The following GRM4 variants were observed in gnomAD, a reference collection of about 807,000 sequenced individuals.
GRM4 encodes the protein glutamate metabotropic receptor 4.
Under a neutral mutation model 81.7 loss-of-function variants are expected in GRM4, and 28 were observed. That is an observed-to-expected ratio of 0.34 (90% CI 0.25 to 0.47). GRM4 has a LOEUF of 0.47. Among genes scored for constraint, GRM4 ranks in the 20% least tolerant of loss-of-function variants. The pLI, the probability that GRM4 is intolerant of heterozygous loss-of-function variation, is 1.00. For missense variants in GRM4, 948 were observed against 1,290.0 expected (o/e 0.73, Z 4.06); for synonymous variants, 488 against 528.8 (o/e 0.92, Z 1.06).
intron 2 of GRM4, among the ~76,000 whole-genome samples, chr6:34,104,531 A>G (rs1769021108): frequency 6.6e-6 from 1 of 152,236 alleles, no homozygotes; most frequent in Admixed American, 6.5e-5. Context: ...ACATGGAAAC[A>G]GGATGACACA....
chr6:34,050,950 G>A (rs1161327167), intron 6 of GRM4, among the ~76,000 whole-genome samples: 1 of 152,252 alleles, frequency 6.6e-6, no homozygotes, highest in Non-Finnish European at 1.5e-5. Context: ...CTCAGTTGAT[G>A]AGTGGGAAGC....
At position 34,035,821 on chromosome 6, in the gene GRM4, G is replaced by A. The variant is rs755141575; in HGVS notation, c.2289C>T (p.Leu763=). The A allele has an allele frequency of 1.9e-5, 30 of 1,613,722 alleles. No homozygotes were observed. The highest frequency in any genetic ancestry group is 1.8e-4 in the East Asian group (8 of 44,854). Residue 763 remains leucine, a synonymous_variant, in exon 9 of 11, where the codon CTC becomes CTT. Coordinates refer to ENST00000538487, the MANE Select transcript of GRM4 (RefSeq NM_000841.4). This position sits in a 1 kb window ranked among gnomAD's most constrained non-coding sequence, Gnocchi z 6.6. The part of the protein sequence containing the change: ...LICLLGYSML[L]MVTCTVYAIK... ...TGGCATACACGGTGCACGTGACCAT[G>A]AGCAGCATGCTGTAGCCCAGCAGGC... is the stretch of plus-strand genomic sequence containing the variant.
In GRM4 at chr6:34,141,291, C is replaced by A. The variant is rs202115431; in HGVS notation, c.-364+4709G>T. ...ACTCACCATCATCACCACCAATGGG[C>A]GACCAGTGCCTTCTCGGGAGAACTG... is the stretch of plus-strand genomic sequence containing the variant. On this transcript the variant is annotated intron_variant, in intron 1 of 10. Coordinates refer to ENST00000538487, the MANE Select transcript of GRM4 (RefSeq NM_000841.4). Among the ~76,000 whole-genome samples, 4 of 152,302 alleles carry A rather than the reference C, an allele frequency of 2.6e-5. No homozygotes were observed. The South Asian group carries it at 6.2e-4, about 24-fold the overall frequency.
In GRM4 at chr6:34,092,231, G is replaced by A. The variant is rs1768272106; in HGVS notation, c.520-132C>T. The A allele has an allele frequency of 1.6e-6, 1 of 623,032 alleles. No individual in the cohort carries two copies. Among genetic ancestry groups the A allele is most frequent in the East Asian group, 2.8e-5 (1 of 36,150 alleles). 38.6% of individuals were successfully genotyped at this position (623,032 alleles called of 1,614,324 possible). Reference sequence around the variant, plus strand: ...ACCACCACAGCCCACCCCTCCCCATGGGCGATGCCTCCTCCTCCAGAAAGT... The same window carrying A: ...ACCACCACAGCCCACCCCTCCCCATAGGCGATGCCTCCTCCTCCAGAAAGT... On this transcript the variant is annotated intron_variant, in intron 2 of 10. Transcript: ENST00000538487. This position sits in a 1 kb window ranked among gnomAD's most constrained non-coding sequence, Gnocchi z 6.8.
intron 2 of GRM4, among the ~76,000 whole-genome samples, chr6:34,106,425 A>G (rs1004779769): frequency 3.3e-5 from 5 of 150,906 alleles, no homozygotes; most frequent in East Asian, 1.9e-4. Flanking sequence ...AAAAAAAAAA[A>G]AAAGAAAGAA....
Position 34,074,269 on chromosome 6 carries a change from C to A in GRM4, c.737-12241G>T, listed in dbSNP as rs1214843862. 6.6e-6 allele frequency among the ~76,000 whole-genome samples: 1 copy of A among 152,378 alleles called. No individual in the cohort carries two copies. Among genetic ancestry groups the A allele is most frequent in the East Asian group, 1.9e-4 (1 of 5,184 alleles). ...AAGCCACGTTGCCCACTCTCCAACC[C>A]TCCATTTCCCCATCTGTGAAATGGG... On this transcript the variant is annotated intron_variant, in intron 3 of 10. Coordinates refer to ENST00000538487, the MANE Select transcript of GRM4 (RefSeq NM_000841.4). This position sits in a 1 kb window ranked among gnomAD's most constrained non-coding sequence, Gnocchi z 4.9.
At position 34,069,526 on chromosome 6, in the gene GRM4, G is replaced by T. The variant is rs1766679571; in HGVS notation, c.737-7498C>A. On this transcript the variant is annotated intron_variant, in intron 3 of 10. Coordinates refer to ENST00000538487, the MANE Select transcript of GRM4 (RefSeq NM_000841.4). This position sits in a 1 kb window ranked among gnomAD's most constrained non-coding sequence, Gnocchi z 6.4. ...GGATCTGGGACTGCACAGAGGGCCA[G>T]GCCTAGTTCCCGTCACCTGTCACCC... Among the ~76,000 whole-genome samples the T allele has an allele frequency of 1.3e-5, 2 of 152,136 alleles. No individual in the cohort carries two copies. The highest frequency in any genetic ancestry group is 1.3e-4 in the Admixed American group (2 of 15,280).
chr6:34,127,482 G>A (rs574981192), intron 2 of GRM4, among the ~76,000 whole-genome samples: 1 of 152,342 alleles, frequency 6.6e-6, no homozygotes, highest in South Asian at 2.1e-4. Flanking sequence ...GGGCCTCTCA[G>A]ACAGGAAAGG....
intron 5 of GRM4, among the ~76,000 whole-genome samples, chr6:34,058,437 G>A (rs1766012905): frequency 6.6e-6 from 1 of 152,126 alleles, no homozygotes; most frequent in South Asian, 2.1e-4. Context: ...GGGAAGGAGA[G>A]GGCCCAGGGA....
rs1766042756 is a variant in GRM4 at position 34,059,005 on chromosome 6, G to A, written c.996C>T (p.Val332=). 1 of 1,613,464 alleles carries A rather than the reference G, an allele frequency of 6.2e-7. No individual in the cohort carries two copies. Among genetic ancestry groups the A allele is most frequent in the Non-Finnish European group, 8.5e-7 (1 of 1,179,938 alleles). The change falls in exon 5 of 11, where the codon GTC becomes GTT. Residue 332 remains valine (V), a synonymous_variant. Transcript: ENST00000538487. This position sits in a 1 kb window ranked among gnomAD's most constrained non-coding sequence, Gnocchi z 5.7. ...CGGACATCCTCTTGGGGAGGATCGT[G>A]ACAGCACCCTCAGCCACCTCCTCCA... The part of the protein sequence containing the change: ...LHLEEVAEGA[V]TILPKRMSVR...
At chr6:34,086,582 T>A (rs1409073036) in intron 3 of GRM4, among the ~76,000 whole-genome samples, 1 of 152,160 alleles carries the variant, frequency 6.6e-6, no homozygotes. Context: ...ACATGCTAGA[T>A]GCACTTACCT....
chr6:34,103,687 A>G (rs1768967469), intron 2 of GRM4: 4 of 1,534,292 alleles, frequency 2.6e-6, no homozygotes, highest in Middle Eastern at 1.8e-4. Flanking sequence ...AGGAGCCCCA[A>G]GGGGCACAGC....
rs541907698 is a variant in GRM4 at position 34,111,392 on chromosome 6, A to G, written c.520-19293T>C. Among the ~76,000 whole-genome samples the G allele has an allele frequency of 6.6e-6, 1 of 150,660 alleles. No homozygotes were observed. Among genetic ancestry groups the G allele is most frequent in the South Asian group, 2.1e-4 (1 of 4,674 alleles). On this transcript the variant is annotated intron_variant, in intron 2 of 10. Transcript: ENST00000538487. The surrounding 1 kb of genome is among the most constrained non-coding windows in gnomAD (Gnocchi z 5.1). ...GTGGTAAGTACAACCAACCGTGCAC[A>G]CACACACACACACACACACAAACAC...
chr6:34,110,478 C>T (rs1273387867), intron 2 of GRM4, among the ~76,000 whole-genome samples: 1 of 151,754 alleles, frequency 6.6e-6, no homozygotes, highest in Non-Finnish European at 1.5e-5. Context: ...CTAAGCATGG[C>T]CAGCCTCACA....
rs1170424538 is a variant in GRM4, at chr6:34,115,027, C to T, written c.519+17951G>A. On this transcript the variant is annotated intron_variant, in intron 2 of 10. Coordinates refer to ENST00000538487, the MANE Select transcript of GRM4 (RefSeq NM_000841.4). The surrounding 1 kb of genome is among the most constrained non-coding windows in gnomAD (Gnocchi z 4.1). Reference sequence around the variant, plus strand: ...CATCTCAGGCTGGTCTGAGGACAAACGGACCTTTAAGTGCCACTAATCACT... The same window carrying T: ...CATCTCAGGCTGGTCTGAGGACAAATGGACCTTTAAGTGCCACTAATCACT... 6.6e-6 allele frequency among the ~76,000 whole-genome samples: 1 copy of T among 152,218 alleles called. No individual in the cohort carries two copies. Among genetic ancestry groups the T allele is most frequent in the Non-Finnish European group, 1.5e-5 (1 of 68,046 alleles).
Position 34,122,728 on chromosome 6 carries a change from T to TTGTCTGTCTGTCTGTCTGTC in GRM4, c.519+10230_519+10249dup, listed in dbSNP as rs370079388. ...GCCCCGGGCTGGCGGCTTCCCCGGTTTGTCTGTCTGTCTGTCTGTCTGTCT... is the reference window on the plus strand; with the variant it reads ...GCCCCGGGCTGGCGGCTTCCCCGGTTTGTCTGTCTGTCTGTCTGTCTGTCTGTCTGTCTGTCTGTCTGTCT... On this transcript the variant is annotated intron_variant, in intron 2 of 10. Coordinates refer to ENST00000538487, the MANE Select transcript of GRM4 (RefSeq NM_000841.4). Among the ~76,000 whole-genome samples, 448 of 150,774 alleles carry TTGTCTGTCTGTCTGTCTGTC rather than the reference T, an allele frequency of 3.0e-3. 3 individuals are homozygous for TTGTCTGTCTGTCTGTCTGTC. The highest frequency in any genetic ancestry group is 9.0e-3 in the African/African-American group (366 of 40,668).
chr6:34,023,660 T>C (rs890134881), intron 10 of GRM4, among the ~76,000 whole-genome samples: 5 of 152,062 alleles, frequency 3.3e-5, no homozygotes, highest in African/African-American at 1.2e-4. Context: ...ACTGGGGTGG[T>C]ACATGGGGGT....
intron 2 of GRM4, chr6:34,110,860 G>C (rs1581708479): frequency 7.6e-7 from 1 of 1,321,294 alleles, no homozygotes; most frequent in East Asian, 3.0e-5. Context: ...CTCAGGCCTG[G>C]AGGTGAGGAG....
At chr6:34,097,965 C>G (rs1459158049) in intron 2 of GRM4, among the ~76,000 whole-genome samples, 1 of 152,244 alleles carries the variant, frequency 6.6e-6, no homozygotes, top group Non-Finnish European at 1.5e-5. Context: ...CTTTCCTCCT[C>G]TGCCCTAATG....
Sources: gnomAD v4.1 joint callset for allele counts (sites outside exome capture counted in the v4.1 genomes callset) on GRCh38, gnomAD v4.1.1 for gene constraint, Gnocchi (gnomAD v3.1) non-coding constraint, MANE v1.5 for transcripts, NCBI Gene and HGNC (gene_info 2026-07-23, HGNC 2026-07-21) for gene names.